The following NGLY1 variants were observed in gnomAD, a reference collection of about 807,000 sequenced individuals.
NGLY1 encodes the protein N-glycanase 1.
Under a neutral mutation model 84.6 loss-of-function variants are expected in NGLY1, and 68 were observed. The observed-to-expected ratio is 0.80, with a 90% confidence interval of 0.66 to 0.98. The LOEUF (loss-of-function observed/expected upper bound fraction) is 0.98, where lower values mean the gene tolerates loss of function less well. Ranked by LOEUF, NGLY1 falls within the 50% of genes least tolerant of loss-of-function variation. The probability of loss-of-function intolerance (pLI) is 0.00; values close to 1 mark genes in which losing one functional copy is unlikely to be tolerated. For missense variants in NGLY1, 779 were observed against 770.2 expected (o/e 1.01, Z -0.14); for synonymous variants, 280 against 275.2 (o/e 1.02, Z -0.17).
chr3:25,756,699 T>C (rs1707053874), intron 3 of NGLY1, among the ~76,000 whole-genome samples: 1 of 152,180 alleles, frequency 6.6e-6, no homozygotes, highest in Admixed American at 6.5e-5. Context: ...AGTCCTCCAA[T>C]TGGTATAATT....
In NGLY1 at chr3:25,783,271, G is replaced by C. The variant is rs1708504699; in HGVS notation, c.120C>G (p.Asp40Glu). The C allele has an allele frequency of 2.5e-6, 4 of 1,607,428 alleles. No homozygotes were observed. Among genetic ancestry groups the C allele is most frequent in the Non-Finnish European group, 3.4e-6 (4 of 1,176,414 alleles). ...EASKLLLTYADNILRNPNDEK... is the reference protein window; with the variant it reads ...EASKLLLTYAENILRNPNDEK... ...CCGTTGCCCTGCACCTGAGGATGTT[G>C]TCAGCATAGGTGAGCAGCAGCTTGG... The change falls in exon 1 of 12, where the codon GAC becomes GAG. Residue 40 changes from aspartate (D) to glutamate (E), a missense_variant. Transcript: ENST00000280700. The surrounding 1 kb of genome is among the most constrained non-coding windows in gnomAD (Gnocchi z 4.5).
chr3:25,768,738 G>A (rs963840255), intron 2 of NGLY1, among the ~76,000 whole-genome samples: 1 of 151,438 alleles, frequency 6.6e-6, no homozygotes, highest in Non-Finnish European at 1.5e-5. Flanking sequence ...GTAGAGATGG[G>A]GTTTCACCGT....
At chr3:25,749,387 G>C in intron 4 of NGLY1, 1 of 694,750 alleles carries the variant, frequency 1.4e-6, no homozygotes, top group Non-Finnish European at 2.5e-6. Flanking sequence ...TGCAAAATGT[G>C]ATATATACAT....
intron 5 of NGLY1, 43 bp from the exon 6 acceptor site, chr3:25,737,498 T>C (rs907878486): frequency 1.3e-6 from 2 of 1,488,356 alleles, no homozygotes; most frequent in African/African-American, 2.8e-5. Flanking sequence ...AAAATCAAGA[T>C]TTTTAAGAGA....
upstream of NGLY1, among the ~76,000 whole-genome samples, chr3:25,783,711 TG>T (rs972894577): frequency 3.7e-5 from 3 of 81,538 alleles, no homozygotes; most frequent in Admixed American, 1.0e-4. This position sits in a 1 kb window ranked among gnomAD's most constrained non-coding sequence, Gnocchi z 4.5. Flanking sequence ...CGGAAGAAGG[TG>T]GGGGGCCTCG....
chr3:25,753,659 T>C (rs1410168532), intron 3 of NGLY1, among the ~76,000 whole-genome samples: 2 of 151,638 alleles, frequency 1.3e-5, no homozygotes, highest in African/African-American at 4.8e-5. Flanking sequence ...AGGTCAATAA[T>C]TAAAAGACTA....
chr3:25,785,167 C>A (rs573358495), upstream of NGLY1, among the ~76,000 whole-genome samples: 1 of 145,660 alleles, frequency 6.9e-6, no homozygotes, highest in South Asian at 2.2e-4. Context: ...AAAGTCACAC[C>A]TACTTTTAAC....
rs1434930667 is a variant in NGLY1 at position 25,733,822 on chromosome 3, T to C, written c.1260+50A>G. Reference sequence around the variant, plus strand: ...TAGGCTAATAAACGGCTATTCTCGATTACATAAAAAATGTCAACTGTTCTT... The same window carrying C: ...TAGGCTAATAAACGGCTATTCTCGACTACATAAAAAATGTCAACTGTTCTT... On this transcript the variant is annotated intron_variant, in intron 8 of 11. Coordinates refer to ENST00000280700, the MANE Select transcript of NGLY1 (RefSeq NM_018297.4). 6.9e-6 allele frequency: 9 copies of C among 1,301,530 alleles called. No individual in the cohort carries two copies. The East Asian group carries it at 1.9e-4, about 28-fold the overall frequency. 80.6% of individuals were successfully genotyped at this position (1,301,530 alleles called of 1,614,324 possible). A position where few individuals can be genotyped will look rare whatever the true frequency, so the allele number is the denominator to read the frequency against.
intron 2 of NGLY1, among the ~76,000 whole-genome samples, chr3:25,770,400 C>G (rs1408225732): frequency 6.6e-6 from 1 of 152,154 alleles, no homozygotes; most frequent in Admixed American, 6.5e-5. Context: ...CCACCCACAT[C>G]AGCCTCCCAA....
At chr3:25,722,075 G>A (rs914061548) in intron 10 of NGLY1, among the ~76,000 whole-genome samples, 13 of 151,684 alleles carry the variant, frequency 8.6e-5, no homozygotes, top group South Asian at 2.1e-4. Flanking sequence ...AAAATTAGCC[G>A]GGCATGTTAG....
chr3:25,757,583 G>C (rs1332947947), intron 3 of NGLY1, among the ~76,000 whole-genome samples: 3 of 152,160 alleles, frequency 2.0e-5, no homozygotes, highest in Non-Finnish European at 4.4e-5. Context: ...ACTGAAAAAA[G>C]TCAATTAAAT....
chr3:25,734,844 A>T (rs62236863), intron 7 of NGLY1: 10,730 of 933,684 alleles, frequency 0.011, 89 homozygotes, highest in South Asian at 0.023. Context: ...ATTTCAAAAC[A>T]TTACCTTTTT....
At chr3:25,742,884 C>CAAAAA (rs34669504) in intron 4 of NGLY1, among the ~76,000 whole-genome samples, 5 of 63,312 alleles carry the variant, frequency 7.9e-5, no homozygotes, top group African/African-American at 1.9e-4. Context: ...CCTTATGTGG[C>CAAAAA]AAAAAAAAAA....
At chr3:25,789,917 G>C in exon 1 of NGLY1, 1 of 1,551,044 alleles carries the variant, frequency 6.4e-7, no homozygotes, top group Non-Finnish European at 8.7e-7. Context: ...GTTCCGAGAG[G>C]GGCGTCTCTG....
chr3:25,738,397 G>C (rs1048190311), intron 5 of NGLY1, among the ~76,000 whole-genome samples: 54 of 152,162 alleles, frequency 3.5e-4, no homozygotes, highest in African/African-American at 1.3e-3. Context: ...AAAATTACCA[G>C]ACAATTCAAG....
intron 3 of NGLY1, among the ~76,000 whole-genome samples, chr3:25,754,645 G>A (rs1300213232): frequency 7.0e-6 from 1 of 143,490 alleles, no homozygotes; most frequent in African/African-American, 2.5e-5. Context: ...TTAAATTAGG[G>A]TAGTTTTACA....
intron 3 of NGLY1, among the ~76,000 whole-genome samples, chr3:25,760,833 C>T (rs1197729220): frequency 2.4e-5 from 2 of 83,308 alleles, no homozygotes; most frequent in Admixed American, 3.5e-4. Flanking sequence ...GCACTCCAGC[C>T]TGGGCAACAA....
chr3:25,767,756 T>A (rs1286226058), intron 2 of NGLY1, among the ~76,000 whole-genome samples: 2 of 152,134 alleles, frequency 1.3e-5, no homozygotes, highest in Non-Finnish European at 2.9e-5. Context: ...AAGTTAGATA[T>A]CCATATGCAG....
chr3:25,735,898 A>G, intron 7 of NGLY1, 106 bp downstream of exon 7: 1 of 975,930 alleles, frequency 1.0e-6, no homozygotes, highest in Non-Finnish European at 1.5e-6. Flanking sequence ...TGTACAATTT[A>G]AATATATGCA....
Sources: gnomAD v4.1 joint callset for allele counts (sites outside exome capture counted in the v4.1 genomes callset) on GRCh38, gnomAD v4.1.1 for gene constraint, Gnocchi (gnomAD v3.1) non-coding constraint, MANE v1.5 for transcripts, NCBI Gene and HGNC (gene_info 2026-07-23, HGNC 2026-07-21) for gene names.